CSGALNACT2: variants seen among roughly 807,000 people sequenced by gnomAD.
CSGALNACT2 encodes the protein chondroitin sulfate N-acetylgalactosaminyltransferase 2.
A neutral mutation model predicts 55.3 loss-of-function variants in CSGALNACT2; 35 were observed. That is an observed-to-expected ratio of 0.63 (90% CI 0.48 to 0.84). The LOEUF (loss-of-function observed/expected upper bound fraction) is 0.84. Ranked by LOEUF, CSGALNACT2 falls within the 40% of genes least tolerant of loss-of-function variation. The pLI is 0.00. For synonymous variants in CSGALNACT2, 196 were observed against 224.9 expected, an observed-to-expected ratio of 0.87 and a Z score of 1.15; for missense variants, 544 against 657.5, an observed-to-expected ratio of 0.83 and a Z score of 1.89.
intron 1 of CSGALNACT2, among the ~76,000 whole-genome samples, chr10:43,152,424 T>A (rs111241701): frequency 1.3e-5 from 2 of 151,842 alleles, no homozygotes; most frequent in South Asian, 2.1e-4. Context: ...ATTATGCAAC[T>A]TTTACATTCT....
In CSGALNACT2 at chr10:43,167,119, G is replaced by C. The variant is rs368074101; in HGVS notation, c.1254+21G>C. 2.1e-6 allele frequency: 3 copies of C among 1,452,038 alleles called. No homozygotes were observed. In the African/African-American group the frequency reaches 4.2e-5, roughly 20 times the overall value. The allele number at this position is 1,452,038 out of a possible 1,614,324, so 89.9% of individuals were successfully genotyped here. Reference sequence around the variant, plus strand: ...AGCTGGTGAGACTTTCACATTTTCAGTTATGAAAGACTCTAAAGATCTTTT... The same window carrying C: ...AGCTGGTGAGACTTTCACATTTTCACTTATGAAAGACTCTAAAGATCTTTT... On this transcript the variant is annotated intron_variant, in intron 6 of 7. Coordinates refer to ENST00000374466, the MANE Select transcript of CSGALNACT2 (RefSeq NM_018590.5).
chr10:43,166,643 T>G lies in CSGALNACT2; in HGVS notation c.1160-361T>G, dbSNP rs1315994759. ...TTTGACAGGTGGATTTAACAGACGT[T>G]TCTAAGTTTCATAGTGATTATCAGA... On this transcript the variant is annotated intron_variant, in intron 5 of 7. Transcript: ENST00000374466. Among the ~76,000 whole-genome samples, 3 of 152,238 alleles carry G rather than the reference T, an allele frequency of 2.0e-5. No individual in the cohort carries two copies. In the East Asian group the frequency reaches 5.8e-4, roughly 29 times the overall value.
intron 7 of CSGALNACT2, 25 bp downstream of exon 7, chr10:43,176,057 T>C (rs1839475907): frequency 8.4e-6 from 13 of 1,549,598 alleles, no homozygotes; most frequent in East Asian, 2.2e-5. Flanking sequence ...CATTTAAGGA[T>C]AGGACTTTAT....
At chr10:43,157,222 T>C (rs1839032550) in intron 2 of CSGALNACT2, among the ~76,000 whole-genome samples, 1 of 152,180 alleles carries the variant, frequency 6.6e-6, no homozygotes, top group African/African-American at 2.4e-5. Flanking sequence ...CTAAGTAACA[T>C]GTGTAAAATG....
intron 1 of CSGALNACT2, among the ~76,000 whole-genome samples, chr10:43,149,094 G>A (rs1838820994): frequency 6.6e-6 from 1 of 151,944 alleles, no homozygotes; most frequent in Non-Finnish European, 1.5e-5. Context: ...GTTTGGTTTG[G>A]TTTTTTGAGA....
At chr10:43,143,556 CAT>C (rs778827627) in intron 1 of CSGALNACT2, among the ~76,000 whole-genome samples, 1 of 149,094 alleles carries the variant, frequency 6.7e-6, no homozygotes. Flanking sequence ...ATAAAGGAAT[CAT>C]AATATCTTGG....
intron 5 of CSGALNACT2, among the ~76,000 whole-genome samples, chr10:43,164,496 G>C (rs559225268): frequency 6.6e-6 from 1 of 152,342 alleles, no homozygotes; most frequent in South Asian, 2.1e-4. Flanking sequence ...TTGGTCTCCA[G>C]ACTGTGCATT....
At chr10:43,169,428 G>A (rs1049130968) in intron 6 of CSGALNACT2, among the ~76,000 whole-genome samples, 3 of 152,192 alleles carry the variant, frequency 2.0e-5, no homozygotes, top group Non-Finnish European at 4.4e-5. Flanking sequence ...TAGAGAAAAT[G>A]TTAAATTCAT....
chr10:43,154,286 C>A (rs936264882), intron 1 of CSGALNACT2, among the ~76,000 whole-genome samples: 1 of 152,074 alleles, frequency 6.6e-6, no homozygotes, highest in African/African-American at 2.4e-5. Context: ...GAGTTATAGG[C>A]AATATAATTT....
At chr10:43,157,319 G>T (rs1839035853) in intron 2 of CSGALNACT2, among the ~76,000 whole-genome samples, 1 of 152,084 alleles carries the variant, frequency 6.6e-6, no homozygotes, top group African/African-American at 2.4e-5. Flanking sequence ...AACTCTCCTT[G>T]GATTCTGATA....
chr10:43,150,917 CAT>C (rs1838861813), intron 1 of CSGALNACT2, among the ~76,000 whole-genome samples: 1 of 152,026 alleles, frequency 6.6e-6, no homozygotes, highest in South Asian at 2.1e-4. Flanking sequence ...CTGTATGTTG[CAT>C]AGTTTCTTTT....
chr10:43,162,546 G>A (rs571161387), intron 4 of CSGALNACT2: 665 of 985,420 alleles, frequency 6.7e-4, no homozygotes, highest in Non-Finnish European at 7.4e-4. Context: ...TCCTTAAGAC[G>A]GGGAGAAGAG....
intron 7 of CSGALNACT2, among the ~76,000 whole-genome samples, chr10:43,178,714 G>GTT (rs1320253457): frequency 6.7e-6 from 1 of 149,402 alleles, no homozygotes. Context: ...ATTTTTTATC[G>GTT]TTTTTTTCCC....
chr10:43,179,347 T>G (rs1487963710), intron 7 of CSGALNACT2, among the ~76,000 whole-genome samples: 1 of 151,850 alleles, frequency 6.6e-6, no homozygotes, highest in Non-Finnish European at 1.5e-5. Flanking sequence ...TAATACACTG[T>G]GGCAACTCTG....
rs148122304 is a variant in CSGALNACT2, at chr10:43,169,386, A to C, written c.1254+2288A>C. Reference sequence around the variant, plus strand: ...CACATGAGTATATGAATACAGATAGAAAGTAATTTTAAAATATATCTTTGA... The same window carrying C: ...CACATGAGTATATGAATACAGATAGCAAGTAATTTTAAAATATATCTTTGA... On this transcript the variant is annotated intron_variant, in intron 6 of 7. Transcript: ENST00000374466. Among the ~76,000 whole-genome samples the C allele has an allele frequency of 3.6e-3, 546 of 152,398 alleles. 6 individuals carry two copies. The highest frequency in any genetic ancestry group is 0.013 in the African/African-American group (523 of 41,596).
chr10:43,155,939 T>C, intron 2 of CSGALNACT2, 129 bp downstream of exon 2: 1 of 854,890 alleles, frequency 1.2e-6, no homozygotes. Context: ...ATGTTAGTAA[T>C]ATAAGTCAGT....
At chr10:43,173,418 A>C (rs751442212) in intron 6 of CSGALNACT2, among the ~76,000 whole-genome samples, 3 of 152,248 alleles carry the variant, frequency 2.0e-5, no homozygotes, top group Non-Finnish European at 4.4e-5. Context: ...TGCATCTCCC[A>C]CATGCTTAGG....
intron 6 of CSGALNACT2, among the ~76,000 whole-genome samples, chr10:43,175,707 A>C (rs997180256): frequency 1.3e-5 from 2 of 152,204 alleles, no homozygotes; most frequent in African/African-American, 4.8e-5. Context: ...CCTAGAATGT[A>C]AGCCCCTTGA....
chr10:43,168,175 G>A (rs1188275495), intron 6 of CSGALNACT2, among the ~76,000 whole-genome samples: 2 of 152,142 alleles, frequency 1.3e-5, no homozygotes, highest in Admixed American at 6.5e-5. Context: ...CAAGTGGGCC[G>A]GGCATGGTGG....
Sources: gnomAD v4.1 joint callset for allele counts (sites outside exome capture counted in the v4.1 genomes callset) on GRCh38, gnomAD v4.1.1 for gene constraint, MANE v1.5 for transcripts, NCBI Gene and HGNC (gene_info 2026-07-23, HGNC 2026-07-21) for gene names.